The following SLC25A21 variants were observed in gnomAD, a reference collection of about 807,000 sequenced individuals.
SLC25A21 encodes the protein solute carrier family 25 member 21.
A neutral mutation model predicts 43.8 loss-of-function variants in SLC25A21; 47 were observed. That is an observed-to-expected ratio of 1.07 (90% CI 0.85 to 1.37). The LOEUF (loss-of-function observed/expected upper bound fraction) is 1.37. SLC25A21 is among the 40% of genes most tolerant of loss of function. The pLI is 0.00. For synonymous variants in SLC25A21, 131 were observed against 121.3 expected, an observed-to-expected ratio of 1.08 and a Z score of -0.52; for missense variants, 352 against 350.2, an observed-to-expected ratio of 1.00 and a Z score of -0.04.
chr14:36,881,571 C>T (rs1299359342), intron 1 of SLC25A21, among the ~76,000 whole-genome samples: 5 of 152,170 alleles, frequency 3.3e-5, no homozygotes, highest in Non-Finnish European at 7.4e-5. Context: ...AAGATCTTAT[C>T]TCCACCCTTG....
chr14:36,769,299 C>A (rs1886532817), intron 3 of SLC25A21, among the ~76,000 whole-genome samples: 1 of 152,206 alleles, frequency 6.6e-6, no homozygotes, highest in Non-Finnish European at 1.5e-5. Context: ...TTTTCTCCCT[C>A]TGGGAATTGT....
chr14:36,844,297 TAA>T (rs1889476413), intron 2 of SLC25A21, among the ~76,000 whole-genome samples: 1 of 152,172 alleles, frequency 6.6e-6, no homozygotes, highest in Non-Finnish European at 1.5e-5. Flanking sequence ...ATTACAGAAA[TAA>T]GAGTGAAATT....
intron 1 of SLC25A21, among the ~76,000 whole-genome samples, chr14:37,043,999 A>G (rs1961535593): frequency 7.1e-6 from 1 of 140,962 alleles, no homozygotes; most frequent in Non-Finnish European, 1.5e-5. Context: ...GACCAGGCTG[A>G]TCTCGAACTC....
chr14:36,707,656 A>C (rs1208664689), intron 7 of SLC25A21, among the ~76,000 whole-genome samples: 2 of 152,236 alleles, frequency 1.3e-5, no homozygotes, highest in African/African-American at 4.8e-5. Flanking sequence ...TTGGAGGCTA[A>C]AGCTTGGAAA....
intron 1 of SLC25A21, among the ~76,000 whole-genome samples, chr14:37,162,570 A>G (rs1963963802): frequency 2.0e-5 from 3 of 152,212 alleles, no homozygotes; most frequent in Admixed American, 6.5e-5. Context: ...TCAGAGAAAT[A>G]CAAATCAAAA....
intron 2 of SLC25A21, among the ~76,000 whole-genome samples, chr14:36,859,217 A>G (rs1566681748): frequency 6.6e-6 from 1 of 152,354 alleles, no homozygotes; most frequent in South Asian, 2.1e-4. Context: ...CAATCTTGAT[A>G]AAAAGATTTC....
chr14:36,906,804 G>C (rs1054348628), intron 1 of SLC25A21, among the ~76,000 whole-genome samples: 5 of 151,988 alleles, frequency 3.3e-5, no homozygotes, highest in Non-Finnish European at 7.4e-5. Context: ...TGCCCGGCTG[G>C]GAAGTCATTT....
rs1449162794 is a variant in SLC25A21, at chr14:36,813,988, T to C, written c.133A>G (p.Arg45Gly). The change falls in exon 3 of 10, where the codon AGA becomes GGA. Residue 45 changes from arginine to glycine, a missense_variant. Physicochemically the swap from Arg to Gly is moderately radical, Grantham distance 125. Transcript: ENST00000331299. Reference protein sequence around the residue: ...DVVKTRFQIQRCATDPNSYKS... With the variant: ...DVVKTRFQIQGCATDPNSYKS... ...TAACTGTTTGGATCGGTTGCACATC[T>C]CTGAATCTGAAACCTAGAAGCAAAA... 3 of 1,602,646 alleles carry C rather than the reference T, an allele frequency of 1.9e-6. No individual in the cohort carries two copies. Among genetic ancestry groups the C allele is most frequent in the Non-Finnish European group, 2.5e-6 (3 of 1,177,306 alleles).
intron 1 of SLC25A21, among the ~76,000 whole-genome samples, chr14:36,916,972 T>C (rs1321320683): frequency 3.9e-5 from 6 of 152,164 alleles, no homozygotes; most frequent in African/African-American, 1.4e-4. Context: ...TGCTCTTTCA[T>C]TCAAGCAGCC....
At chr14:36,986,414 C>T (rs913776101) in intron 1 of SLC25A21, among the ~76,000 whole-genome samples, 1 of 152,100 alleles carries the variant, frequency 6.6e-6, no homozygotes, top group African/African-American at 2.4e-5. Context: ...TATTGGACCT[C>T]CACTCCACTT....
At chr14:37,015,762 T>C (rs1473665934) in intron 1 of SLC25A21, among the ~76,000 whole-genome samples, 1 of 152,130 alleles carries the variant, frequency 6.6e-6, no homozygotes, top group East Asian at 1.9e-4. Context: ...TATCTCATTG[T>C]GGTTTTGATT....
At chr14:36,990,655 T>G (rs1343068365) in intron 1 of SLC25A21, among the ~76,000 whole-genome samples, 1 of 152,110 alleles carries the variant, frequency 6.6e-6, no homozygotes, top group Non-Finnish European at 1.5e-5. Flanking sequence ...GGTGGGAGAA[T>G]AGCTTGAGTC....
chr14:37,043,940 G>GTTTTTTTTTTT (rs59081965), intron 1 of SLC25A21, among the ~76,000 whole-genome samples: 6 of 56,788 alleles, frequency 1.1e-4, no homozygotes, highest in African/African-American at 2.8e-4. Flanking sequence ...ATGTTTTTTT[G>GTTTTTTTTTTT]TTTTTTTTTT....
At chr14:37,040,520 G>A (rs115556852) in intron 1 of SLC25A21, among the ~76,000 whole-genome samples, 6,674 of 151,844 alleles carry the variant, frequency 0.044, 495 homozygotes, top group African/African-American at 0.15. Context: ...GGGAGCTGAC[G>A]AAGCTAGTGA....
At chr14:36,978,394 T>C (rs981721851) in intron 1 of SLC25A21, among the ~76,000 whole-genome samples, 1 of 152,228 alleles carries the variant, frequency 6.6e-6, no homozygotes, top group African/African-American at 2.4e-5. Context: ...AAAAATGATG[T>C]GCATATCTTA....
Position 36,684,878 on chromosome 14 carries a change from C to T in SLC25A21, c.651G>A (p.Ser217=), listed in dbSNP as rs755075132. The part of the protein sequence containing the change: ...FWRKFGIGLL[S]GTIASVINIP... ...TGTTAATGACTGAGGCTATTGTCCC[C>T]GAGAGAAGACCAATCCCAAATTTTC... Residue 217 remains serine (S), a synonymous_variant, in exon 8 of 10, where the codon TCG becomes TCA. Coordinates refer to ENST00000331299, the MANE Select transcript of SLC25A21 (RefSeq NM_030631.4). 2.0e-5 allele frequency: 32 copies of T among 1,612,376 alleles called. No individual in the cohort carries two copies. Among genetic ancestry groups the T allele is most frequent in the South Asian group, 5.5e-5 (5 of 90,836 alleles).
chr14:36,802,153 G>A (rs923695873), intron 3 of SLC25A21, among the ~76,000 whole-genome samples: 1 of 152,106 alleles, frequency 6.6e-6, no homozygotes. Context: ...GATACCATGG[G>A]TGTCGTAAAT....
intron 3 of SLC25A21, among the ~76,000 whole-genome samples, chr14:36,739,075 TA>T (rs886142391): frequency 9.2e-5 from 14 of 152,320 alleles, no homozygotes; most frequent in African/African-American, 3.4e-4. Flanking sequence ...TAGCTTTTTT[TA>T]AAACAACTAT....
At chr14:36,787,763 C>T (rs1255226536) in intron 3 of SLC25A21, among the ~76,000 whole-genome samples, 7 of 152,112 alleles carry the variant, frequency 4.6e-5, no homozygotes, top group Non-Finnish European at 8.8e-5. Flanking sequence ...GAAACATGTC[C>T]AGCCAATATA....
Sources: allele counts gnomAD v4.1 joint callset (sites outside exome capture counted in the v4.1 genomes callset), GRCh38; gene constraint gnomAD v4.1.1; transcripts MANE v1.5; gene names NCBI Gene and HGNC (gene_info 2026-07-23, HGNC 2026-07-21).